DIPK1C: variants seen among roughly 807,000 people sequenced by gnomAD.
The protein encoded by DIPK1C is divergent protein kinase domain 1C.
DIPK1C carries 33 observed loss-of-function variants against 28.0 expected under a neutral mutation model. The observed-to-expected ratio is 1.18, with a 90% CI of 0.89 to 1.58. The LOEUF is 1.58. Ranked by LOEUF, DIPK1C falls within the 40% of genes most tolerant of loss-of-function variation. DIPK1C has a pLI of 0.00. For missense variants in DIPK1C, 569 were observed against 568.5 expected (o/e 1.00, Z -0.01); for synonymous variants, 255 against 248.8 (o/e 1.02, Z -0.23).
At chr18:74,437,236 T>C (rs1262978651) in intron 3 of DIPK1C, among the ~76,000 whole-genome samples, 4 of 152,152 alleles carry the variant, frequency 2.6e-5, no homozygotes, top group African/African-American at 9.7e-5. Context: ...GTGTGTGAAC[T>C]TGTATGGCTG....
chr18:74,453,263 GTGTT>G (rs1186207803), intron 1 of DIPK1C, among the ~76,000 whole-genome samples: 2 of 152,342 alleles, frequency 1.3e-5, no homozygotes, highest in East Asian at 3.9e-4. Flanking sequence ...TTCCTTTTGT[GTGTT>G]TGTTTTTAAG....
At position 74,457,099 on chromosome 18, in the gene DIPK1C, C is replaced by A; in HGVS notation, c.161G>T (p.Cys54Phe). Residue 54 changes from cysteine to phenylalanine, a missense_variant, in exon 1 of 4, where the codon TGC (cysteine) becomes TTC (phenylalanine). Physicochemically the swap from Cys to Phe is radical, Grantham distance 205. Transcript: ENST00000343998. ...RAHPGVLSER[C>F]TDEKSRRILA... is the part of the protein sequence containing the mutation. ...GATGCGCCGGCTCTTCTCGTCGGTG[C>A]AGCGCTCGGAGAGGACACCCGGGTG... 1 of 1,469,488 alleles carries A rather than the reference C, an allele frequency of 6.8e-7. No homozygotes were observed. Among genetic ancestry groups the A allele is most frequent in the Non-Finnish European group, 8.9e-7 (1 of 1,119,044 alleles). 91.0% of individuals were successfully genotyped at this position (1,469,488 alleles called of 1,614,324 possible).
intron 3 of DIPK1C, among the ~76,000 whole-genome samples, chr18:74,439,541 T>C (rs1042017871): frequency 6.6e-6 from 1 of 152,204 alleles, no homozygotes; most frequent in African/African-American, 2.4e-5. Flanking sequence ...TAAGGCTGGG[T>C]GTGGTAGCTC....
chr18:74,449,970 C>T (rs769169982), intron 1 of DIPK1C, among the ~76,000 whole-genome samples: 5 of 152,246 alleles, frequency 3.3e-5, no homozygotes, highest in African/African-American at 9.6e-5. Context: ...GCTTTGCTTG[C>T]GATCACCTCC....
At chr18:74,454,672 G>A (rs545824901) in intron 1 of DIPK1C, among the ~76,000 whole-genome samples, 14 of 152,166 alleles carry the variant, frequency 9.2e-5, no homozygotes, top group Non-Finnish European at 2.1e-4. Flanking sequence ...CCAGGGGAGC[G>A]GAGACAGAGG....
At chr18:74,437,954 C>T (rs1273931012) in intron 3 of DIPK1C, among the ~76,000 whole-genome samples, 3 of 152,150 alleles carry the variant, frequency 2.0e-5, no homozygotes, top group African/African-American at 7.2e-5. Flanking sequence ...TGCAGTGGTG[C>T]CATCTTGGCT....
At chr18:74,441,479 G>A (rs911602907) in intron 3 of DIPK1C, among the ~76,000 whole-genome samples, 11 of 152,170 alleles carry the variant, frequency 7.2e-5, no homozygotes, top group African/African-American at 2.7e-4. Context: ...CTGATCTCCT[G>A]GACTTGGCTC....
intron 1 of DIPK1C, among the ~76,000 whole-genome samples, chr18:74,448,261 C>T (rs532870711): frequency 1.1e-4 from 16 of 152,170 alleles, no homozygotes; most frequent in African/African-American, 3.6e-4. Context: ...TTCCTAATCC[C>T]GCCCATTTCC....
chr18:74,436,795 C>G, intron 3 of DIPK1C, 76 bp from the exon 4 acceptor site: 1 of 1,376,272 alleles, frequency 7.3e-7, no homozygotes, highest in East Asian at 2.5e-5. Flanking sequence ...AGGATTGGTT[C>G]TGAAACAGAT....
chr18:74,443,611 T>C (rs1230488249), intron 2 of DIPK1C, among the ~76,000 whole-genome samples: 1 of 152,216 alleles, frequency 6.6e-6, no homozygotes, highest in East Asian at 1.9e-4. Flanking sequence ...ATGTGGAGAA[T>C]AATGAAGATA....
At chr18:74,438,602 G>T (rs1195246226) in intron 3 of DIPK1C, among the ~76,000 whole-genome samples, 1 of 152,210 alleles carries the variant, frequency 6.6e-6, no homozygotes, top group Admixed American at 6.5e-5. Flanking sequence ...TTCTTAGTTT[G>T]AGAGTTATTT....
chr18:74,450,738 T>C (rs1206312155), intron 1 of DIPK1C, among the ~76,000 whole-genome samples: 2 of 152,338 alleles, frequency 1.3e-5, no homozygotes, highest in Middle Eastern at 3.4e-3. Context: ...CAGCTGTGCA[T>C]GAGCCTGGAT....
chr18:74,449,104 G>A (rs1263000122), intron 1 of DIPK1C, among the ~76,000 whole-genome samples: 1 of 151,282 alleles, frequency 6.6e-6, no homozygotes, highest in Non-Finnish European at 1.5e-5. Flanking sequence ...GCAAGAATCT[G>A]TCTCAAAAAA....
chr18:74,442,202 G>A (rs776044417), intron 2 of DIPK1C, 86 bp from the exon 3 acceptor site: 44 of 1,490,590 alleles, frequency 3.0e-5, no homozygotes, highest in African/African-American at 8.5e-5. Context: ...TGTTCACCTC[G>A]TGCGGGTGCC....
chr18:74,462,909 C>T (rs1282325376), upstream of DIPK1C, among the ~76,000 whole-genome samples: 1 of 152,200 alleles, frequency 6.6e-6, no homozygotes, highest in Non-Finnish European at 1.5e-5. Flanking sequence ...AGTAATCATT[C>T]TTTCGTTGTC....
Position 74,447,090 on chromosome 18 carries a change from A to G in DIPK1C, c.392T>C (p.Leu131Ser). The G allele has an allele frequency of 6.4e-7, 1 of 1,550,468 alleles. No individual in the cohort carries two copies. Among genetic ancestry groups the G allele is most frequent in the African/African-American group, 1.4e-5 (1 of 73,176 alleles). ...GCCACCCTCCCCTGCCTCCTCTTCC[A>G]ACAGGCTGAGGGGCGGGAAGCTGGA... is the stretch of plus-strand genomic sequence containing the variant. ...AFSSFPPLSL[L>S]EEEAGEGGQD... Residue 131 changes from leucine (L) to serine (S), a missense_variant, in exon 2 of 4, where the codon TTG (leucine) becomes TCG (serine). Coordinates refer to ENST00000343998, the MANE Select transcript of DIPK1C (RefSeq NM_001044369.3). The surrounding 1 kb of genome is among the most constrained non-coding windows in gnomAD (Gnocchi z 4.1).
chr18:74,442,520 G>A (rs1348113953), intron 2 of DIPK1C, among the ~76,000 whole-genome samples: 6 of 152,008 alleles, frequency 3.9e-5, no homozygotes, highest in East Asian at 1.9e-4. Flanking sequence ...TAGTAGAGAC[G>A]GGGTTTCACC....
chr18:74,462,062 A>G (rs1986625796), upstream of DIPK1C, among the ~76,000 whole-genome samples: 1 of 152,194 alleles, frequency 6.6e-6, no homozygotes, highest in Non-Finnish European at 1.5e-5. Flanking sequence ...GTGCCTGACT[A>G]CTATCATTGT....
In DIPK1C at chr18:74,435,910, C is replaced by G. The variant is rs890379341; in HGVS notation, c.*591G>C. Reference sequence around the variant, plus strand: ...ACATACACATGCCCACACTTATATACACATGCTGACACCCGTGCACTCATG... The same window carrying G: ...ACATACACATGCCCACACTTATATAGACATGCTGACACCCGTGCACTCATG... On this transcript the variant is annotated 3_prime_UTR_variant, in exon 4 of 4. Coordinates refer to ENST00000343998, the MANE Select transcript of DIPK1C (RefSeq NM_001044369.3). The G allele has an allele frequency of 1.9e-5, 3 of 154,560 alleles. No homozygotes were observed. The highest frequency in any genetic ancestry group is 7.2e-5 in the African/African-American group (3 of 41,400). 9.6% of individuals were successfully genotyped at this position (154,560 alleles called of 1,614,324 possible).
Sources: gnomAD v4.1 joint callset for allele counts (sites outside exome capture counted in the v4.1 genomes callset) on GRCh38, gnomAD v4.1.1 for gene constraint, Gnocchi (gnomAD v3.1) non-coding constraint, MANE v1.5 for transcripts, NCBI Gene and HGNC (gene_info 2026-07-23, HGNC 2026-07-21) for gene names.